STIM1: variants seen among roughly 807,000 people sequenced by gnomAD.
STIM1 encodes stromal interaction molecule 1.
A neutral mutation model predicts 74.7 loss-of-function variants in STIM1; 25 were observed. That is an observed-to-expected ratio of 0.33 (90% CI 0.24 to 0.47). The LOEUF (loss-of-function observed/expected upper bound fraction) is 0.47. Among genes scored for constraint, STIM1 ranks in the 20% least tolerant of loss-of-function variants. STIM1 has a pLI of 1.00. For missense variants in STIM1, 728 were observed against 920.8 expected (o/e 0.79, Z 2.71); for synonymous variants, 328 against 348.8 (o/e 0.94, Z 0.66).
Position 4,078,494 on chromosome 11 carries a change from G to C in STIM1, c.970-3690G>C, listed in dbSNP as rs2094448713. Among the ~76,000 whole-genome samples the C allele has an allele frequency of 2.0e-5, 3 of 152,012 alleles. No homozygotes were observed. In the South Asian group the frequency reaches 6.2e-4, roughly 32 times the overall value. ...GACTGGCAATTGACAAATCATCTTA[G>C]AAAGGCTTTTTTTCTCTCTGACTTT... On this transcript the variant is annotated intron_variant, in intron 7 of 12. Coordinates refer to ENST00000526596, the MANE Select transcript of STIM1 (RefSeq NM_001382567.1).
Position 4,055,628 on chromosome 11 carries a change from C to A in STIM1, c.488C>A (p.Ala163Asp), listed in dbSNP as rs199893056. ...CGGAAGCTGCAGCTCAGTGGCCATG[C>A]CATGCCAAGGTCAGGAGGGGACTGG... ...TFRKLQLSGH[A>D]MPRLAVTNTT... is the part of the protein sequence containing the mutation. Residue 163 changes from alanine to aspartate, a missense_variant, in exon 4 of 13, where the codon GCC becomes GAC. By Grantham distance (126) the Ala-to-Asp change is moderately radical (BLOSUM62 -2). This residue lies in a region of STIM1 where 132 missense variants were observed against 158.2 expected (regional missense o/e 0.83). Coordinates refer to ENST00000526596, the MANE Select transcript of STIM1 (RefSeq NM_001382567.1). The A allele has an allele frequency of 1.8e-4, 279 of 1,584,540 alleles. No individual in the cohort carries two copies. The highest frequency in any genetic ancestry group is 2.3e-4 in the Non-Finnish European group (273 of 1,165,600).
At chr11:3,875,672 G>A (rs1432368019) in intron 1 of STIM1, among the ~76,000 whole-genome samples, 2 of 151,126 alleles carry the variant, frequency 1.3e-5, no homozygotes, top group African/African-American at 4.9e-5. Flanking sequence ...GCTAAATTGA[G>A]CCAAGATCAT....
intron 1 of STIM1, among the ~76,000 whole-genome samples, chr11:3,896,865 A>G (rs2092194990): frequency 6.6e-6 from 1 of 152,220 alleles, no homozygotes; most frequent in Non-Finnish European, 1.5e-5. Context: ...CTGCTTCCTC[A>G]TCTATAACAT....
intron 2 of STIM1, among the ~76,000 whole-genome samples, chr11:4,022,128 T>C (rs944559567): frequency 1.3e-5 from 2 of 151,880 alleles, no homozygotes; most frequent in Admixed American, 6.6e-5. Flanking sequence ...GATCAGGAGT[T>C]TGAGACCAGC....
At chr11:3,954,587 A>G (rs1307019785) in intron 1 of STIM1, among the ~76,000 whole-genome samples, 1 of 152,212 alleles carries the variant, frequency 6.6e-6, no homozygotes, top group African/African-American at 2.4e-5. Context: ...GTGGGCCTAA[A>G]CCAGTTTGGG....
Position 3,953,102 on chromosome 11 carries a change from G to A in STIM1, c.140-14450G>A, listed in dbSNP as rs1358500445. On this transcript the variant is annotated intron_variant, in intron 1 of 12. Coordinates refer to ENST00000526596, the MANE Select transcript of STIM1 (RefSeq NM_001382567.1). Reference sequence around the variant, plus strand: ...AAGGAGTAGCTGAGTGCACCCTGGAGGAGAGATAGCCAGAGACTTCTCTTC... The same window carrying A: ...AAGGAGTAGCTGAGTGCACCCTGGAAGAGAGATAGCCAGAGACTTCTCTTC... 3.3e-5 allele frequency among the ~76,000 whole-genome samples: 5 copies of A among 152,170 alleles called. No individual in the cohort carries two copies. In the East Asian group the frequency reaches 9.6e-4, roughly 29 times the overall value.
At chr11:3,957,307 A>G (rs2135696759) in intron 1 of STIM1, among the ~76,000 whole-genome samples, 1 of 152,174 alleles carries the variant, frequency 6.6e-6, no homozygotes, top group Middle Eastern at 3.4e-3. Flanking sequence ...CGCAGGCTGG[A>G]GTGCAGTGGT....
intron 2 of STIM1, among the ~76,000 whole-genome samples, chr11:4,019,619 G>C (rs1281216780): frequency 1.3e-5 from 2 of 152,104 alleles, no homozygotes; most frequent in East Asian, 1.9e-4. Context: ...GCGAGACACT[G>C]TCTCAAAAAC....
At chr11:3,913,655 G>A (rs1179485756) in intron 1 of STIM1, among the ~76,000 whole-genome samples, 1 of 152,162 alleles carries the variant, frequency 6.6e-6, no homozygotes, top group Non-Finnish European at 1.5e-5. Context: ...GAAATTCATA[G>A]AACATTAACC....
intron 1 of STIM1, among the ~76,000 whole-genome samples, chr11:3,938,234 G>A (rs1244865621): frequency 6.6e-6 from 1 of 152,044 alleles, no homozygotes; most frequent in South Asian, 2.1e-4. Flanking sequence ...CACCGCGCCC[G>A]GCCTGTTAGA....
At chr11:3,946,886 T>G (rs1174072516) in intron 1 of STIM1, among the ~76,000 whole-genome samples, 1 of 152,196 alleles carries the variant, frequency 6.6e-6, no homozygotes, top group Non-Finnish European at 1.5e-5. Context: ...GGCATAGCCC[T>G]TTCCCTCTCT....
At chr11:3,872,253 A>G (rs1307251608) in intron 1 of STIM1, among the ~76,000 whole-genome samples, 2 of 151,452 alleles carry the variant, frequency 1.3e-5, no homozygotes, top group Admixed American at 1.3e-4. Context: ...GGGTTTCACC[A>G]TGTTGGCCAG....
intron 2 of STIM1, among the ~76,000 whole-genome samples, chr11:3,978,488 C>A (rs760807037): frequency 5.4e-5 from 8 of 148,608 alleles, no homozygotes; most frequent in South Asian, 4.5e-4. Flanking sequence ...GGGCCAGGCA[C>A]GGTGGCTCAT....
intron 1 of STIM1, among the ~76,000 whole-genome samples, chr11:3,946,819 G>A (rs559141645): frequency 6.6e-6 from 1 of 152,192 alleles, no homozygotes; most frequent in Non-Finnish European, 1.5e-5. Flanking sequence ...TGGCCCATGA[G>A]GTTAGAAGCC....
chr11:4,025,212 G>T (rs955165501), intron 3 of STIM1, among the ~76,000 whole-genome samples: 1 of 152,154 alleles, frequency 6.6e-6, no homozygotes. Flanking sequence ...TTTAATTTAG[G>T]CTTATAGAAT....
At position 3,873,815 on chromosome 11, in the gene STIM1, G is replaced by T. The variant is rs1200139877; in HGVS notation, c.139+17406G>T. Reference sequence around the variant, plus strand: ...CGTATGCTTGTACTCTTAGCCAGAAGTCAGAGCTTGGTGAGGCCTGATTCC... The same window carrying T: ...CGTATGCTTGTACTCTTAGCCAGAATTCAGAGCTTGGTGAGGCCTGATTCC... On this transcript the variant is annotated intron_variant, in intron 1 of 12. Transcript: ENST00000526596. Among the ~76,000 whole-genome samples the T allele has an allele frequency of 2.0e-5, 3 of 152,202 alleles. No homozygotes were observed. In the East Asian group the frequency reaches 5.8e-4, roughly 29 times the overall value.
intron 2 of STIM1, among the ~76,000 whole-genome samples, chr11:3,993,361 A>C (rs567523029): frequency 7.0e-4 from 106 of 152,362 alleles, no homozygotes; most frequent in African/African-American, 2.2e-3. Flanking sequence ...ATTTCCATAT[A>C]AAATATACTT....
chr11:3,962,083 A>C (rs532601235), intron 1 of STIM1, among the ~76,000 whole-genome samples: 1 of 152,140 alleles, frequency 6.6e-6, no homozygotes, highest in African/African-American at 2.4e-5. Flanking sequence ...CTTATATTTT[A>C]TTTTTATAGA....
intron 3 of STIM1, among the ~76,000 whole-genome samples, chr11:4,048,693 G>A (rs182620669): frequency 1.4e-4 from 21 of 151,922 alleles, no homozygotes; most frequent in African/African-American, 4.1e-4. Context: ...TTTGCTTTCT[G>A]TGTGTTTAAA....
Sources: gnomAD v4.1 joint callset for allele counts (sites outside exome capture counted in the v4.1 genomes callset) on GRCh38, gnomAD v4.1.1 for gene constraint, gnomAD v4.1.1 regional missense constraint, MANE v1.5 for transcripts, NCBI Gene and HGNC (gene_info 2026-07-23, HGNC 2026-07-21) for gene names.